Variants in WDPCP observed in about 807,000 individuals in gnomAD.
WDPCP encodes WD repeat containing planar cell polarity effector.
WDPCP carries 71 observed loss-of-function variants against 93.1 expected under a neutral mutation model. That is an observed-to-expected ratio of 0.76 (90% CI 0.63 to 0.93). The LOEUF (loss-of-function observed/expected upper bound fraction) is 0.93. Ranked by LOEUF, WDPCP falls within the 40% of genes least tolerant of loss-of-function variation. WDPCP has a pLI of 0.00. For missense variants in WDPCP, 844 were observed against 887.4 expected (o/e 0.95, Z 0.62); for synonymous variants, 315 against 315.0 (o/e 1.00, Z 0.00).
chr2:63,597,748 C>G, intron 3 of WDPCP: 1 of 471,354 alleles, frequency 2.1e-6, no homozygotes, highest in Non-Finnish European at 3.4e-6. Context: ...TTTTTTCTTA[C>G]AGTATAGAAA....
At chr2:63,458,228 GA>G (rs59260856) in intron 6 of WDPCP, among the ~76,000 whole-genome samples, 99,021 of 136,770 alleles carry the variant, frequency 0.72, 34,798 homozygotes, top group East Asian at 0.91. Flanking sequence ...AGTCAGGCAA[GA>G]AAAAAAAAAA....
intron 2 of WDPCP, among the ~76,000 whole-genome samples, chr2:63,809,197 C>A (rs1007548345): frequency 3.8e-4 from 56 of 146,524 alleles, no homozygotes; most frequent in Non-Finnish European, 7.9e-4. Flanking sequence ...AGCCGCCCCG[C>A]CCGGGAGGTG....
intron 3 of WDPCP, among the ~76,000 whole-genome samples, chr2:63,635,891 T>C (rs1250877464): frequency 1.3e-5 from 2 of 152,144 alleles, no homozygotes; most frequent in Non-Finnish European, 2.9e-5. Context: ...ATCAAAGATA[T>C]CTACATTGGA....
intron 1 of WDPCP, chr2:63,571,546 T>A (rs1471460040): frequency 2.1e-6 from 1 of 470,918 alleles, no homozygotes; most frequent in Admixed American, 2.4e-5. Flanking sequence ...TCCTTTCAGT[T>A]TATGCCTGCT....
At chr2:63,681,623 G>A (rs929145325) in intron 2 of WDPCP, among the ~76,000 whole-genome samples, 1 of 152,172 alleles carries the variant, frequency 6.6e-6, no homozygotes, top group Non-Finnish European at 1.5e-5. Flanking sequence ...CACCTTGAAG[G>A]GAAGGACACA....
At chr2:63,486,414 T>C in intron 4 of WDPCP, 128 bp downstream of exon 4, 1 of 737,394 alleles carries the variant, frequency 1.4e-6, no homozygotes, top group Non-Finnish European at 2.3e-6. Flanking sequence ...TATATGTTTA[T>C]ATTCCTAAGT....
rs777835689 is a variant in WDPCP at position 63,606,053 on chromosome 2, CT to C, written n.488+44605del. 1.2e-5 allele frequency: 19 copies of C among 1,576,136 alleles called. No homozygotes were observed. In the South Asian group the frequency reaches 2.1e-4, roughly 17 times the overall value. On this transcript the variant is annotated intron_variant and non_coding_transcript_variant, in intron 3 of 4. Coordinates refer to the WDPCP transcript ENST00000467687. ...GGTAAGGTATTTTGGAGCTATTTCC[CT>C]TCTTTGAGGAAGTAGTTATATGTTT...
chr2:63,583,248 T>C (rs1006150536), intron 1 of WDPCP, among the ~76,000 whole-genome samples: 1 of 151,998 alleles, frequency 6.6e-6, no homozygotes, highest in African/African-American at 2.4e-5. Flanking sequence ...AAAGTTACTG[T>C]CAATAAGCCA....
intron 14 of WDPCP, among the ~76,000 whole-genome samples, chr2:63,202,982 C>T (rs1676034322): frequency 6.6e-6 from 1 of 151,988 alleles, no homozygotes; most frequent in South Asian, 2.1e-4. Context: ...TTATATCGGG[C>T]CTCAAATTTG....
At chr2:63,122,137 G>A (rs1669584749) in intron 17 of WDPCP, 81 bp from the exon 18 acceptor site, 6 of 1,176,338 alleles carry the variant, frequency 5.1e-6, no homozygotes, top group South Asian at 2.6e-5. Flanking sequence ...TTATTTTTAA[G>A]TACTGAAAAA....
At chr2:63,734,343 T>C (rs1400109100) in intron 2 of WDPCP, among the ~76,000 whole-genome samples, 1 of 152,122 alleles carries the variant, frequency 6.6e-6, no homozygotes, top group East Asian at 1.9e-4. Context: ...AGTGGCTTTA[T>C]GTATGTATTT....
At chr2:63,470,051 A>G (rs1246537117) in intron 6 of WDPCP, among the ~76,000 whole-genome samples, 2 of 151,984 alleles carry the variant, frequency 1.3e-5, no homozygotes, top group Non-Finnish European at 2.9e-5. Context: ...CACTCCCTTC[A>G]TTGTGCTCTA....
chr2:63,623,757 T>A (rs1161476904), intron 3 of WDPCP, among the ~76,000 whole-genome samples: 1 of 152,162 alleles, frequency 6.6e-6, no homozygotes, highest in Admixed American at 6.5e-5. Flanking sequence ...AACACCCCAC[T>A]GTCAATATCA....
chr2:63,358,309 G>A (rs1558513816), intron 12 of WDPCP, among the ~76,000 whole-genome samples: 1 of 147,814 alleles, frequency 6.8e-6, no homozygotes, highest in East Asian at 2.0e-4. Flanking sequence ...CTATATTCCT[G>A]TTTTTTTTTT....
chr2:63,684,383 G>C (rs981632372), intron 2 of WDPCP: 4 of 740,936 alleles, frequency 5.4e-6, no homozygotes, highest in Non-Finnish European at 4.9e-6. Flanking sequence ...CCATCATCAT[G>C]AAGAACATTG....
At chr2:63,240,561 T>C (rs556103012) in intron 14 of WDPCP, among the ~76,000 whole-genome samples, 5 of 152,194 alleles carry the variant, frequency 3.3e-5, no homozygotes, top group Non-Finnish European at 7.3e-5. Flanking sequence ...TGATAGAAGA[T>C]ATTTTTGTTA....
At chr2:63,571,754 T>C in intron 1 of WDPCP, 1 of 394,994 alleles carries the variant, frequency 2.5e-6, no homozygotes, top group South Asian at 1.9e-5. Context: ...AAAGATGAAC[T>C]ACAATGCTTC....
intron 2 of WDPCP, among the ~76,000 whole-genome samples, chr2:63,700,282 C>CAAAAAAAAAAAAAA (rs1196006011): frequency 2.4e-5 from 1 of 41,568 alleles, no homozygotes; most frequent in Non-Finnish European, 4.4e-5. Context: ...GACCCTGTCT[C>CAAAAAAAAAAAAAA]AAAAAAAAAA....
chr2:63,379,083 C>A (rs1692089075), intron 11 of WDPCP, among the ~76,000 whole-genome samples: 1 of 152,034 alleles, frequency 6.6e-6, no homozygotes, highest in Admixed American at 6.6e-5. Flanking sequence ...ACTAAGACCT[C>A]TGGGAGAGGA....
Sources: gnomAD v4.1 joint callset for allele counts (sites outside exome capture counted in the v4.1 genomes callset) on GRCh38, gnomAD v4.1.1 for gene constraint, MANE v1.5 for transcripts, NCBI Gene and HGNC (gene_info 2026-07-23, HGNC 2026-07-21) for gene names.